SCAI: variants seen among roughly 807,000 people sequenced by gnomAD.
SCAI encodes the protein suppressor of cancer cell invasion, also known as protein SCAI.
Under a neutral mutation model 92.2 loss-of-function variants are expected in SCAI, and 24 were observed. The observed-to-expected ratio is 0.26, with a 90% CI of 0.19 to 0.37. The LOEUF is 0.37. Among genes scored for constraint, SCAI ranks in the 10% least tolerant of loss-of-function variants. SCAI has a pLI of 1.00. For synonymous variants in SCAI, 261 were observed against 258.6 expected (o/e 1.01, Z -0.09); for missense variants, 450 against 736.2 (o/e 0.61, Z 4.50).
chr9:124,979,064 T>C (rs936088165), intron 14 of SCAI, among the ~76,000 whole-genome samples: 16 of 151,784 alleles, frequency 1.1e-4, no homozygotes, highest in African/African-American at 3.9e-4. Context: ...TTTCGCCATG[T>C]TGACCAGGCT....
chr9:125,005,525 T>G (rs1338717870), intron 9 of SCAI, among the ~76,000 whole-genome samples: 1 of 152,042 alleles, frequency 6.6e-6, no homozygotes, highest in Non-Finnish European at 1.5e-5. Flanking sequence ...GAGGCGGGGT[T>G]TCACCATGTT....
intron 2 of SCAI, among the ~76,000 whole-genome samples, chr9:125,127,405 A>T (rs947548740): frequency 4.3e-5 from 6 of 140,816 alleles, no homozygotes; most frequent in African/African-American, 7.9e-5. Context: ...CCAGGGCAGA[A>T]TTTTTTTTTT....
At chr9:125,034,248 G>A (rs1169481200) in intron 3 of SCAI, among the ~76,000 whole-genome samples, 1 of 152,146 alleles carries the variant, frequency 6.6e-6, no homozygotes, top group African/African-American at 2.4e-5. Context: ...AAGACAGAGG[G>A]CAAAGATATC....
chr9:125,067,576 G>A (rs766348527), intron 2 of SCAI, among the ~76,000 whole-genome samples: 11 of 152,150 alleles, frequency 7.2e-5, no homozygotes, highest in South Asian at 2.1e-4. Context: ...CTTCTGAGTC[G>A]CTAAGAAGGA....
chr9:125,053,223 A>C (rs1833597338), intron 3 of SCAI, among the ~76,000 whole-genome samples: 1 of 152,074 alleles, frequency 6.6e-6, no homozygotes, highest in East Asian at 1.9e-4. Context: ...AATTTCAGCT[A>C]TTCGGGAGGC....
chr9:125,030,532 A>AT lies in SCAI; in HGVS notation c.231-794_231-793insA, dbSNP rs1833053898. ...ACTACAATTTGAGGGTTGTTACAGC[A>AT]GCCTTACTTCGGAAAAGCTAGTCCA... On this transcript the variant is annotated intron_variant, in intron 3 of 17. Transcript: ENST00000336505. Among the ~76,000 whole-genome samples, 5 of 152,190 alleles carry AT rather than the reference A, an allele frequency of 3.3e-5. No homozygotes were observed. In the South Asian group the frequency reaches 1.0e-3, roughly 32 times the overall value.
chr9:125,006,788 C>G (rs1488097700), intron 9 of SCAI, among the ~76,000 whole-genome samples: 1 of 152,064 alleles, frequency 6.6e-6, no homozygotes, highest in Non-Finnish European at 1.5e-5. Context: ...CTGCACCTGA[C>G]CTATACTTTT....
chr9:125,009,647 G>C (rs1832589288), intron 9 of SCAI, among the ~76,000 whole-genome samples: 1 of 152,140 alleles, frequency 6.6e-6, no homozygotes, highest in South Asian at 2.1e-4. Flanking sequence ...AACACTTTGG[G>C]AGGCCAAGCT....
chr9:125,029,830 AATGCTTGCATTC>A (rs1367254041), intron 3 of SCAI, 91 bp from the exon 4 acceptor site: 3 of 673,602 alleles, frequency 4.5e-6, no homozygotes, highest in Non-Finnish European at 6.9e-6. Flanking sequence ...ACAGATGAAA[AATGCTTGCATTC>A]AGGCTTTCTT....
chr9:125,138,306 A>AGT (rs1445096619), intron 2 of SCAI, among the ~76,000 whole-genome samples: 1 of 126,832 alleles, frequency 7.9e-6, no homozygotes, highest in African/African-American at 3.1e-5. Context: ...CCCAGGATGG[A>AGT]GTGCAATGGT....
intron 14 of SCAI, among the ~76,000 whole-genome samples, chr9:124,991,983 C>T (rs994212948): frequency 2.4e-4 from 37 of 152,192 alleles, no homozygotes; most frequent in African/African-American, 8.4e-4. Flanking sequence ...GTGGCACGAT[C>T]GCAGCTCATG....
chr9:125,031,057 T>C (rs915718612), intron 3 of SCAI, among the ~76,000 whole-genome samples: 1 of 152,014 alleles, frequency 6.6e-6, no homozygotes, highest in Non-Finnish European at 1.5e-5. Context: ...AAGTACCTTT[T>C]TTCAGTGGGA....
chr9:125,119,646 CCT>C (rs1287504058), intron 2 of SCAI, among the ~76,000 whole-genome samples: 1 of 152,184 alleles, frequency 6.6e-6, no homozygotes, highest in Non-Finnish European at 1.5e-5. Flanking sequence ...CCAGTTATCC[CCT>C]GCTACATAAC....
intron 2 of SCAI, among the ~76,000 whole-genome samples, chr9:125,107,847 C>A (rs1189848220): frequency 1.3e-5 from 2 of 152,208 alleles, no homozygotes; most frequent in African/African-American, 4.8e-5. Context: ...CAGTCTCCCT[C>A]TCCCTCTCTT....
At chr9:125,006,481 C>A (rs971956401) in intron 9 of SCAI, among the ~76,000 whole-genome samples, 2 of 140,888 alleles carry the variant, frequency 1.4e-5, no homozygotes, top group Non-Finnish European at 3.0e-5. Flanking sequence ...TAACCTAATA[C>A]ATTCATTCAT....
chr9:125,123,792 C>G (rs1292212380), intron 2 of SCAI, among the ~76,000 whole-genome samples: 2 of 152,112 alleles, frequency 1.3e-5, no homozygotes, highest in African/African-American at 4.8e-5. Flanking sequence ...AAGAAACAAA[C>G]AAACAAACAA....
In SCAI at chr9:124,984,450, T is replaced by C. The variant is rs1380147269; in HGVS notation, c.1327-8264A>G. ...GGAGGAAGACTCATTAGAAGGCTAC[T>C]GCAGTAATTCAGGTGAATGATGATG... On this transcript the variant is annotated intron_variant, in intron 14 of 17. Transcript: ENST00000336505. 2.0e-5 allele frequency among the ~76,000 whole-genome samples: 3 copies of C among 152,196 alleles called. No homozygotes were observed. The East Asian group carries it at 5.8e-4, about 29-fold the overall frequency.
chr9:125,130,845 A>AG (rs1835384870), intron 2 of SCAI, among the ~76,000 whole-genome samples: 1 of 151,782 alleles, frequency 6.6e-6, no homozygotes, highest in South Asian at 2.1e-4. Flanking sequence ...ACAGGAAAAA[A>AG]TGAGTGGAAA....
At chr9:124,964,780 G>A (rs895449287) in intron 17 of SCAI, among the ~76,000 whole-genome samples, 1 of 152,198 alleles carries the variant, frequency 6.6e-6, no homozygotes, top group African/African-American at 2.4e-5. Flanking sequence ...CAGCATCAAC[G>A]AAACTAATCT....
Sources: allele counts gnomAD v4.1 joint callset (sites outside exome capture counted in the v4.1 genomes callset), GRCh38; gene constraint gnomAD v4.1.1; transcripts MANE v1.5; gene names NCBI Gene and HGNC (gene_info 2026-07-23, HGNC 2026-07-21).